Variants in MCF2L observed in about 807,000 individuals in gnomAD.
The protein encoded by MCF2L is MCF.2 cell line derived transforming sequence like.
A neutral mutation model predicts 153.4 loss-of-function variants in MCF2L; 97 were observed. The ratio of observed to expected loss-of-function variants is 0.63; its 90% CI spans 0.54 to 0.75. The LOEUF is 0.75. Among genes scored for constraint, MCF2L ranks in the 30% least tolerant of loss-of-function variants. The pLI is 0.00. For synonymous variants in MCF2L, 659 were observed against 632.2 expected (o/e 1.04, Z -0.64); for missense variants, 1,347 against 1,495.2 (o/e 0.90, Z 1.64).
chr13:112,962,143 G>GCA (rs2081836732), intron 2 of MCF2L, among the ~76,000 whole-genome samples: 1 of 147,946 alleles, frequency 6.8e-6, no homozygotes, highest in African/African-American at 2.5e-5. Context: ...ACACTTTCAT[G>GCA]CAGACATGCT....
At position 112,904,023 on chromosome 13, in the gene MCF2L, G is replaced by A. The variant is rs2081146208; in HGVS notation, c.169+1652G>A. Among the ~76,000 whole-genome samples, 1 of 152,152 alleles carries A rather than the reference G, an allele frequency of 6.6e-6. No homozygotes were observed. The highest frequency in any genetic ancestry group is 1.5e-5 in the Non-Finnish European group (1 of 68,024). ...GCTGAGTCTTCCCGCGCTCAGCTTGGCTGTGAATTAACTGCCCGTGGCCAC... is the reference window on the plus strand; with the variant it reads ...GCTGAGTCTTCCCGCGCTCAGCTTGACTGTGAATTAACTGCCCGTGGCCAC... On this transcript the variant is annotated intron_variant, in intron 2 of 29. Transcript: ENST00000375608. This position sits in a 1 kb window ranked among gnomAD's most constrained non-coding sequence, Gnocchi z 4.2.
intron 8 of MCF2L, among the ~76,000 whole-genome samples, chr13:113,069,631 C>T (rs1478468236): frequency 1.3e-5 from 2 of 151,948 alleles, no homozygotes; most frequent in Admixed American, 6.6e-5. Context: ...GGGTGGTGCA[C>T]AGCTGGAGTC....
At chr13:112,973,727 G>T (rs558242260) in intron 1 of MCF2L, among the ~76,000 whole-genome samples, 1 of 152,236 alleles carries the variant, frequency 6.6e-6, no homozygotes, top group Non-Finnish European at 1.5e-5. Context: ...GAGGACACTG[G>T]GGGGCCGGCC....
intron 2 of MCF2L, among the ~76,000 whole-genome samples, chr13:113,022,614 G>A (rs1328413907): frequency 2.6e-5 from 4 of 152,342 alleles, no homozygotes; most frequent in African/African-American, 7.2e-5. Context: ...AATCCACCTC[G>A]TAGCTGGGGC....
At chr13:112,948,511 A>G (rs1381788695) in intron 2 of MCF2L, among the ~76,000 whole-genome samples, 1 of 152,258 alleles carries the variant, frequency 6.6e-6, no homozygotes, top group Admixed American at 6.5e-5. Context: ...TAGGACATGG[A>G]CACAATTCAG....
At position 113,031,411 on chromosome 13, in the gene MCF2L, G is replaced by C. The variant is rs1048841752; in HGVS notation, c.278+6653G>C. 6.6e-6 allele frequency among the ~76,000 whole-genome samples: 1 copy of C among 152,186 alleles called. No individual in the cohort carries two copies. Among genetic ancestry groups the C allele is most frequent in the African/African-American group, 2.4e-5 (1 of 41,448 alleles). ...CCAGGAGGGCGCCAGCGGCATCTTT[G>C]GGGGCAGCGAACGCACCAGGGGGCA... is the stretch of plus-strand genomic sequence containing the variant. On this transcript the variant is annotated intron_variant, in intron 3 of 29. Coordinates refer to ENST00000535094, the MANE Select transcript of MCF2L (RefSeq NM_001112732.3). This position sits in a 1 kb window ranked among gnomAD's most constrained non-coding sequence, Gnocchi z 5.5.
At position 113,031,258 on chromosome 13, in the gene MCF2L, GAGAC is replaced by G. The variant is rs541244866; in HGVS notation, c.278+6512_278+6515del. On this transcript the variant is annotated intron_variant, in intron 3 of 29. Transcript: ENST00000535094. The surrounding 1 kb of genome is among the most constrained non-coding windows in gnomAD (Gnocchi z 5.5). ...GAAGAGACAGAGAGTGACAGAGATA[GAGAC>G]AGACAGACAGAGACACGGAGACACA... 2.6e-3 allele frequency among the ~76,000 whole-genome samples: 389 copies of G among 152,144 alleles called. 3 individuals are homozygous for G. The highest frequency in any genetic ancestry group is 8.3e-3 in the African/African-American group (343 of 41,490).
rs1231567479 is a variant in MCF2L at position 113,091,288 on chromosome 13, G to C, written c.2953+1560G>C. ...AGGTGGCCGTCAAGGCCACCTAAGGGGGATGCTCTCGTGGGTCTTTATGCT... is the reference window on the plus strand; with the variant it reads ...AGGTGGCCGTCAAGGCCACCTAAGGCGGATGCTCTCGTGGGTCTTTATGCT... On this transcript the variant is annotated intron_variant, in intron 26 of 29. Transcript: ENST00000535094. 1.2e-5 allele frequency: 13 copies of C among 1,125,042 alleles called. No individual in the cohort carries two copies. The East Asian group carries it at 7.0e-4, about 61-fold the overall frequency. 69.7% of individuals were successfully genotyped at this position (1,125,042 alleles called of 1,614,324 possible).
chr13:112,987,596 G>T (rs2082701404), intron 1 of MCF2L, among the ~76,000 whole-genome samples: 1 of 152,170 alleles, frequency 6.6e-6, no homozygotes, highest in South Asian at 2.1e-4. Flanking sequence ...GGCCTGCGCT[G>T]CATGCAACGT....
chr13:113,022,494 C>T (rs2084946323), intron 2 of MCF2L, among the ~76,000 whole-genome samples: 1 of 152,166 alleles, frequency 6.6e-6, no homozygotes, highest in Admixed American at 6.5e-5. Context: ...CGGCGTCACT[C>T]CACACACATA....
chr13:112,899,871 T>C (rs757171220), intron 1 of MCF2L, among the ~76,000 whole-genome samples: 1 of 152,214 alleles, frequency 6.6e-6, no homozygotes, highest in Admixed American at 6.5e-5. Context: ...CCTGGATCTT[T>C]TCCACCGTAT....
chr13:112,950,330 A>G (rs144429037), intron 2 of MCF2L, among the ~76,000 whole-genome samples: 28 of 152,352 alleles, frequency 1.8e-4, no homozygotes, highest in African/African-American at 6.7e-4. Context: ...AAACAGATGA[A>G]CAGAATTCTT....
chr13:113,086,299 C>A (rs758387708), intron 21 of MCF2L, 50 bp downstream of exon 21: 1 of 1,594,572 alleles, frequency 6.3e-7, no homozygotes, highest in Non-Finnish European at 8.5e-7. Flanking sequence ...TGGAATACAC[C>A]AGCCCAGCAA....
At chr13:112,958,840 T>C (rs1223057768) in intron 2 of MCF2L, among the ~76,000 whole-genome samples, 1 of 152,218 alleles carries the variant, frequency 6.6e-6, no homozygotes, top group Non-Finnish European at 1.5e-5. Context: ...ACCTGGAGGC[T>C]CAAGGTGACT....
At chr13:113,018,700 C>A (rs2084689284) in intron 2 of MCF2L, among the ~76,000 whole-genome samples, 2 of 152,172 alleles carry the variant, frequency 1.3e-5, no homozygotes, top group African/African-American at 4.8e-5. Context: ...GGAGAATTTA[C>A]CACTGAGGAA....
chr13:112,940,400 TC>T lies in MCF2L; in HGVS notation c.169+38031del, dbSNP rs1390765461. On this transcript the variant is annotated intron_variant, in intron 2 of 29. Coordinates refer to the MCF2L transcript ENST00000375608. ...CTTTGAATGGAACTGAATGCAGAAT[TC>T]CGGGGGCGCCAGGCAAGCCAGATGG... is the stretch of plus-strand genomic sequence containing the variant. Among the ~76,000 whole-genome samples, 6 of 152,288 alleles carry T rather than the reference TC, an allele frequency of 3.9e-5. No individual in the cohort carries two copies. In the East Asian group the frequency reaches 1.2e-3, roughly 29 times the overall value.
chr13:112,899,196 C>T (rs897919250), intron 1 of MCF2L, among the ~76,000 whole-genome samples: 1 of 152,184 alleles, frequency 6.6e-6, no homozygotes, highest in South Asian at 2.1e-4. Flanking sequence ...CGCCTGTGAC[C>T]GTGTCTGCAT....
intron 2 of MCF2L, among the ~76,000 whole-genome samples, chr13:112,950,061 T>C (rs574619086): frequency 3.3e-5 from 5 of 149,594 alleles, no homozygotes; most frequent in African/African-American, 1.2e-4. Flanking sequence ...AGATACAAGA[T>C]AAACATAGAA....
chr13:113,018,302 C>G lies in MCF2L; in HGVS notation c.163+3456C>G, dbSNP rs567102184. ...GCCTGTGTCCCTCGTAATCCACACC[C>G]TCTACTCACAGTGACATCTGCCCCA... is the stretch of plus-strand genomic sequence containing the variant. On this transcript the variant is annotated intron_variant, in intron 2 of 29. Transcript: ENST00000535094. Among the ~76,000 whole-genome samples the G allele has an allele frequency of 1.5e-4, 23 of 152,370 alleles. No homozygotes were observed. The East Asian group carries it at 3.9e-3, about 26-fold the overall frequency.
Sources: gnomAD v4.1 joint callset for allele counts (sites outside exome capture counted in the v4.1 genomes callset) on GRCh38, gnomAD v4.1.1 for gene constraint, Gnocchi (gnomAD v3.1) non-coding constraint, MANE v1.5 for transcripts, NCBI Gene and HGNC (gene_info 2026-07-23, HGNC 2026-07-21) for gene names.